The following VPS39 variants were observed in gnomAD, a reference collection of about 807,000 sequenced individuals.
VPS39 encodes VPS39 subunit of HOPS complex, also known as vam6/Vps39-like protein.
In VPS39, 70 loss-of-function variants were observed where a neutral mutation model predicts 121.0. The ratio of observed to expected loss-of-function variants is 0.58; its 90% CI spans 0.48 to 0.71. VPS39 has a LOEUF of 0.71. VPS39 is among the 30% of genes least tolerant of loss of function. The pLI is 0.00. For missense variants in VPS39, 818 were observed against 1,051.5 expected (o/e 0.78, Z 3.07); for synonymous variants, 378 against 398.1 (o/e 0.95, Z 0.60).
At chr15:42,203,929 C>T (rs1259014749) in intron 1 of VPS39, among the ~76,000 whole-genome samples, 1 of 152,222 alleles carries the variant, frequency 6.6e-6, no homozygotes, top group African/African-American at 2.4e-5. Context: ...GAAAGTGAGA[C>T]ATACTAAGCA....
At chr15:42,166,474 G>T in intron 15 of VPS39, 89 bp downstream of exon 15, 1 of 1,442,130 alleles carries the variant, frequency 6.9e-7, no homozygotes, top group East Asian at 2.3e-5. Context: ...ACGGGAGGGA[G>T]GGGAGCAACC....
chr15:42,164,803 C>T, intron 18 of VPS39, 193 bp downstream of exon 18: 2 of 1,434,846 alleles, frequency 1.4e-6, no homozygotes, highest in South Asian at 1.5e-5. Context: ...CTCAGAGATG[C>T]CAGGACCTAG....
chr15:42,203,931 T>C (rs2050118161), intron 1 of VPS39, among the ~76,000 whole-genome samples: 1 of 152,156 alleles, frequency 6.6e-6, no homozygotes, highest in Non-Finnish European at 1.5e-5. Flanking sequence ...AAGTGAGACA[T>C]ACTAAGCAAA....
intron 8 of VPS39, chr15:42,179,159 T>A (rs1319616257): frequency 6.6e-6 from 1 of 152,412 alleles, no homozygotes; most frequent in Non-Finnish European, 1.5e-5. Context: ...CACTTGCTCC[T>A]TTTTCATCAG....
At chr15:42,185,796 C>T (rs549066149) in intron 7 of VPS39, among the ~76,000 whole-genome samples, 28 of 152,086 alleles carry the variant, frequency 1.8e-4, no homozygotes, top group Non-Finnish European at 3.8e-4. Context: ...TTGTGAATCT[C>T]GATTGTGGCA....
At position 42,166,577 on chromosome 15, in the gene VPS39, T is replaced by G; in HGVS notation, c.1592A>C (p.Tyr531Ser). 6.2e-7 allele frequency: 1 copy of G among 1,614,254 alleles called. No homozygotes were observed. Among genetic ancestry groups the G allele is most frequent in the Non-Finnish European group, 8.5e-7 (1 of 1,180,040 alleles). ...GGCGGACTTACCCAGATGCTGCAGA[T>G]ACTGCACTGTCCTCTCGTGGCCTTT... ...PLKGHERTVQ[Y>S]LQHLGTENLH... is the part of the protein sequence containing the mutation. Residue 531 changes from tyrosine to serine, a missense_variant, in exon 15 of 25, where the codon TAT (tyrosine) becomes TCT (serine). Transcript: ENST00000318006.
chr15:42,177,421 T>G (rs1184828763), intron 10 of VPS39, among the ~76,000 whole-genome samples: 1 of 152,226 alleles, frequency 6.6e-6, no homozygotes, highest in Middle Eastern at 3.4e-3. Flanking sequence ...ACAGTAAGCA[T>G]CATAAATATA....
chr15:42,178,282 G>C lies in VPS39; in HGVS notation c.896C>G (p.Pro299Arg). The C allele has an allele frequency of 6.2e-7, 1 of 1,614,154 alleles. No homozygotes were observed. The highest frequency in any genetic ancestry group is 8.5e-7 in the Non-Finnish European group (1 of 1,180,026). ...NHFVWRLIPV[P>R]MATQIQQLLQ... ...AAGTTGTTGGATTTGGGTTGCCATG[G>C]GGACAGGGATGAGTCTCCAAACAAA... is the stretch of plus-strand genomic sequence containing the variant. The change falls in exon 10 of 25, where the codon CCC becomes CGC. Residue 299 changes from proline to arginine, a missense_variant. Coordinates refer to ENST00000318006, the MANE Select transcript of VPS39 (RefSeq NM_015289.5).
intron 10 of VPS39, among the ~76,000 whole-genome samples, chr15:42,177,962 C>G (rs995933002): frequency 1.3e-5 from 2 of 152,204 alleles, no homozygotes; most frequent in African/African-American, 2.4e-5. Flanking sequence ...CCACTGCTCC[C>G]GGACTCTCAC....
Position 42,208,211 on chromosome 15 carries a change from G to T in VPS39, c.-58C>A. On this transcript the variant is annotated 5_prime_UTR_variant, in exon 1 of 25. Coordinates refer to ENST00000318006, the MANE Select transcript of VPS39 (RefSeq NM_015289.5). ...GCCCAGAGTGTTCCGGGCCGGGCTG[G>T]GGTCCGGAACGAGTCTGGGCTAAGG... The T allele has an allele frequency of 1.3e-6, 2 of 1,550,148 alleles. No individual in the cohort carries two copies. The highest frequency in any genetic ancestry group is 1.7e-6 in the Non-Finnish European group (2 of 1,146,128).
chr15:42,202,148 G>A (rs1409480131), intron 1 of VPS39, among the ~76,000 whole-genome samples: 1 of 152,188 alleles, frequency 6.6e-6, no homozygotes, highest in Non-Finnish European at 1.5e-5. Context: ...AAAAAAATGG[G>A]TGTCAGCCAA....
Position 42,162,164 on chromosome 15 carries a change from G to A in VPS39, c.2328C>T (p.Ala776=). 1 of 1,614,192 alleles carries A rather than the reference G, an allele frequency of 6.2e-7. No homozygotes were observed. The highest frequency in any genetic ancestry group is 8.5e-7 in the Non-Finnish European group (1 of 1,180,042). The change falls in exon 23 of 25, where the codon GCC becomes GCT. Residue 776 remains alanine, a splice_region_variant and synonymous_variant. Coordinates refer to ENST00000318006, the MANE Select transcript of VPS39 (RefSeq NM_015289.5). ...GAGTGTTTGCTGGCAGAAGGTTGAG[G>A]GCCTAGGGACAGGAACAGAGATAGG... ...LHHSKLDTTK[A]LNLLPANTQI...
intron 8 of VPS39, 200 bp downstream of exon 8, chr15:42,184,317 A>G: frequency 2.4e-6 from 1 of 415,164 alleles, no homozygotes; most frequent in Non-Finnish European, 4.2e-6. Flanking sequence ...CCCCCTCTGG[A>G]GTAAAACTCA....
At chr15:42,178,133 C>A (rs2049494498) in intron 10 of VPS39, 85 bp downstream of exon 10, 1 of 1,584,026 alleles carries the variant, frequency 6.3e-7, no homozygotes, top group Admixed American at 1.8e-5. Context: ...ATTCTACTAA[C>A]CCAAAATAAA....
intron 2 of VPS39, among the ~76,000 whole-genome samples, chr15:42,197,088 C>T (rs2049956387): frequency 6.7e-6 from 1 of 148,200 alleles, no homozygotes; most frequent in Admixed American, 7.0e-5. Flanking sequence ...AAAAACCAAA[C>T]ACTGCATGTT....
intron 11 of VPS39, 119 bp from the exon 12 acceptor site, chr15:42,169,985 A>T: frequency 9.1e-7 from 1 of 1,095,796 alleles, no homozygotes; most frequent in Non-Finnish European, 1.2e-6. Context: ...AAAAAAAAAG[A>T]CTCTCAGTTC....
chr15:42,201,141 G>T (rs1007394375), intron 1 of VPS39, among the ~76,000 whole-genome samples: 1 of 151,836 alleles, frequency 6.6e-6, no homozygotes, highest in Non-Finnish European at 1.5e-5. Flanking sequence ...ATAACTCTGT[G>T]AATGTACTAA....
chr15:42,205,042 G>A (rs1235697131), intron 1 of VPS39, among the ~76,000 whole-genome samples: 1 of 152,078 alleles, frequency 6.6e-6, no homozygotes, highest in Non-Finnish European at 1.5e-5. Context: ...TCTGTAAAAT[G>A]GAGTCTTATT....
chr15:42,165,820 T>C lies in VPS39; in HGVS notation c.1681-4A>G, dbSNP rs2049230854. ...CCGGGAGATCTTCAGTAAATATCTG[T>C]TAGAATGAACCCGAGTTCCAGCAGC... is the stretch of plus-strand genomic sequence containing the variant. On this transcript the variant is annotated splice_polypyrimidine_tract_variant and splice_region_variant and intron_variant, in intron 16 of 24. Transcript: ENST00000318006. 6.2e-7 allele frequency: 1 copy of C among 1,613,550 alleles called. No individual in the cohort carries two copies.
Sources: gnomAD v4.1 joint callset for allele counts (sites outside exome capture counted in the v4.1 genomes callset) on GRCh38, gnomAD v4.1.1 for gene constraint, MANE v1.5 for transcripts, NCBI Gene and HGNC (gene_info 2026-07-23, HGNC 2026-07-21) for gene names.